Variants in DSCAM observed in about 807,000 individuals in gnomAD.
DSCAM encodes cell adhesion molecule DSCAM.
A neutral mutation model predicts 217.7 loss-of-function variants in DSCAM; 47 were observed. The observed-to-expected ratio is 0.22, with a 90% CI of 0.17 to 0.28. The LOEUF is 0.28. Among genes scored for constraint, DSCAM ranks in the 10% least tolerant of loss-of-function variants. The pLI, the probability that DSCAM is intolerant of heterozygous loss-of-function variation, is 1.00. For synonymous variants in DSCAM, 1,056 were observed against 1,015.3 expected (o/e 1.04, Z -0.76); for missense variants, 2,080 against 2,618.3 (o/e 0.79, Z 4.49).
At chr21:40,122,663 C>T (rs1273798117) in intron 20 of DSCAM, among the ~76,000 whole-genome samples, 1 of 152,166 alleles carries the variant, frequency 6.6e-6, no homozygotes, top group Non-Finnish European at 1.5e-5. Flanking sequence ...GGATTAACAG[C>T]ATATTGAAAA....
intron 15 of DSCAM, among the ~76,000 whole-genome samples, chr21:40,170,961 T>C (rs1443693401): frequency 2.6e-5 from 4 of 152,334 alleles, no homozygotes; most frequent in African/African-American, 9.6e-5. Context: ...ATATTCATAA[T>C]TAAACCAAAG....
intron 3 of DSCAM, among the ~76,000 whole-genome samples, chr21:40,580,150 C>T (rs1039217714): frequency 4.0e-5 from 6 of 151,092 alleles, no homozygotes; most frequent in African/African-American, 1.2e-4. Flanking sequence ...GGCGCGATCT[C>T]GGCTCACTGC....
chr21:40,816,336 C>G (rs550730547), intron 1 of DSCAM, among the ~76,000 whole-genome samples: 1 of 152,174 alleles, frequency 6.6e-6, no homozygotes, highest in Non-Finnish European at 1.5e-5. Context: ...AGGGGGTGAC[C>G]TTGGGAGGCC....
intron 14 of DSCAM, among the ~76,000 whole-genome samples, chr21:40,181,218 GTTATAT>G (rs72058531): frequency 0.37 from 56,204 of 151,384 alleles, 10,500 homozygotes; most frequent in African/African-American, 0.43. Flanking sequence ...ATTCTTCCTA[GTTATAT>G]TTATATCTCA....
At chr21:40,264,214 T>A (rs2073492168) in intron 11 of DSCAM, among the ~76,000 whole-genome samples, 3 of 152,120 alleles carry the variant, frequency 2.0e-5, no homozygotes, top group South Asian at 4.1e-4. Context: ...GAAGCCAGTA[T>A]CCTCATACCA....
chr21:40,530,889 C>T (rs78858970), intron 3 of DSCAM, among the ~76,000 whole-genome samples: 3 of 81,314 alleles, frequency 3.7e-5, no homozygotes, highest in Admixed American at 1.3e-4. Context: ...GTCCATCCAT[C>T]CATCCATCCA....
intron 32 of DSCAM, among the ~76,000 whole-genome samples, chr21:40,030,450 C>G (rs2088499285): frequency 6.6e-6 from 1 of 152,078 alleles, no homozygotes; most frequent in South Asian, 2.1e-4. Context: ...GCCTCTCAGG[C>G]AATGAGACGT....
At chr21:40,619,840 AAAG>A (rs2089455757) in intron 3 of DSCAM, among the ~76,000 whole-genome samples, 1 of 137,554 alleles carries the variant, frequency 7.3e-6, no homozygotes, top group Non-Finnish European at 1.7e-5. Flanking sequence ...TTAAGCATGT[AAAG>A]AAAAAAAAAA....
intron 10 of DSCAM, among the ~76,000 whole-genome samples, chr21:40,286,254 C>T (rs889373150): frequency 3.9e-5 from 6 of 152,166 alleles, no homozygotes; most frequent in African/African-American, 1.4e-4. Flanking sequence ...AATGCAGAGA[C>T]CCAATTTCTC....
chr21:40,596,757 A>G (rs1209760192), intron 3 of DSCAM, among the ~76,000 whole-genome samples: 1 of 152,216 alleles, frequency 6.6e-6, no homozygotes, highest in African/African-American at 2.4e-5. Flanking sequence ...TAAGGGAAAC[A>G]TAGAATGATT....
intron 3 of DSCAM, among the ~76,000 whole-genome samples, chr21:40,632,358 T>TG (rs1401451517): frequency 2.0e-5 from 1 of 50,462 alleles, no homozygotes; most frequent in African/African-American, 7.8e-5. Flanking sequence ...GGAAATTGGG[T>TG]GGGGGGAGGG....
At chr21:40,468,998 C>G (rs762784059) in intron 3 of DSCAM, among the ~76,000 whole-genome samples, 1 of 152,050 alleles carries the variant, frequency 6.6e-6, no homozygotes, top group South Asian at 2.1e-4. Flanking sequence ...CAAGATGCCA[C>G]TCAGTGCCCA....
intron 8 of DSCAM, among the ~76,000 whole-genome samples, chr21:40,335,086 A>T (rs1264354936): frequency 1.3e-5 from 2 of 151,962 alleles, no homozygotes; most frequent in Non-Finnish European, 2.9e-5. Context: ...CCCTTTACCT[A>T]GGATGTCCCT....
At chr21:40,021,709 C>T (rs2088275939) in intron 32 of DSCAM, among the ~76,000 whole-genome samples, 1 of 152,194 alleles carries the variant, frequency 6.6e-6, no homozygotes, top group Admixed American at 6.5e-5. Flanking sequence ...TCCAAAAGTT[C>T]TGATTAAATA....
At position 40,084,094 on chromosome 21, in the gene DSCAM, C is replaced by T. The variant is rs767280484; in HGVS notation, c.4133-88G>A. 4.4e-4 allele frequency: 443 copies of T among 998,332 alleles called. 1 individual carries two copies. The highest frequency in any genetic ancestry group is 3.2e-3 in the Middle Eastern group (14 of 4,396). 61.8% of individuals were successfully genotyped at this position (998,332 alleles called of 1,614,324 possible). A position where few individuals can be genotyped will look rare whatever the true frequency, so the allele number is the denominator to read the frequency against. On this transcript the variant is annotated intron_variant, in intron 23 of 32. Coordinates refer to ENST00000400454, the MANE Select transcript of DSCAM (RefSeq NM_001389.5). ...CAGTCATTTACCAACTCATTTTTAA[C>T]AGCCATTTATTAAATAAGTGTTTCA...
At chr21:40,772,141 T>C (rs1184613254) in intron 1 of DSCAM, among the ~76,000 whole-genome samples, 1 of 152,224 alleles carries the variant, frequency 6.6e-6, no homozygotes, top group African/African-American at 2.4e-5. Context: ...AATGTTTTGC[T>C]AGTAATAGGT....
intron 3 of DSCAM, among the ~76,000 whole-genome samples, chr21:40,443,624 T>C (rs2075650791): frequency 6.6e-6 from 1 of 152,244 alleles, no homozygotes; most frequent in Non-Finnish European, 1.5e-5. Context: ...TATTTTTAAA[T>C]AGTAAATTCA....
At chr21:40,539,317 G>A (rs1450551011) in intron 3 of DSCAM, among the ~76,000 whole-genome samples, 1 of 150,644 alleles carries the variant, frequency 6.6e-6, no homozygotes, top group African/African-American at 2.5e-5. Context: ...ATGGTGCAAC[G>A]CCGTCGTCTC....
intron 3 of DSCAM, among the ~76,000 whole-genome samples, chr21:40,610,864 C>T (rs1484181973): frequency 2.0e-5 from 3 of 152,124 alleles, no homozygotes; most frequent in African/African-American, 7.2e-5. Context: ...TTGATATGTT[C>T]ATTGCAAACC....
Sources: gnomAD v4.1 joint callset for allele counts (sites outside exome capture counted in the v4.1 genomes callset) on GRCh38, gnomAD v4.1.1 for gene constraint, MANE v1.5 for transcripts, NCBI Gene and HGNC (gene_info 2026-07-23, HGNC 2026-07-21) for gene names.